ZC3H3: variants seen among roughly 807,000 people sequenced by gnomAD.
ZC3H3 encodes zinc finger CCCH-type containing 3.
Under a neutral mutation model 77.3 loss-of-function variants are expected in ZC3H3, and 36 were observed. The ratio of observed to expected loss-of-function variants is 0.47; its 90% CI spans 0.36 to 0.61. ZC3H3 has a LOEUF of 0.61. Among genes scored for constraint, ZC3H3 ranks in the 20% least tolerant of loss-of-function variants. The pLI, the probability that ZC3H3 is intolerant of heterozygous loss-of-function variation, is 0.00. For synonymous variants in ZC3H3, 626 were observed against 555.2 expected, an observed-to-expected ratio of 1.13 and a Z score of -1.79; for missense variants, 1,331 against 1,312.2, an observed-to-expected ratio of 1.01 and a Z score of -0.22.
intron 4 of ZC3H3, among the ~76,000 whole-genome samples, chr8:143,505,120 G>A (rs947354260): frequency 5.9e-5 from 9 of 152,170 alleles, no homozygotes; most frequent in African/African-American, 9.7e-5. Context: ...TCTGACCACC[G>A]TGGCTTCCAG....
rs143610976 is a variant in ZC3H3, at chr8:143,463,041, T to C, written c.2307+2676A>G. On this transcript the variant is annotated intron_variant, in intron 9 of 11. Coordinates refer to ENST00000262577, the MANE Select transcript of ZC3H3 (RefSeq NM_015117.3). ...TCTTGTCACGTAGGCTGGAGTGCAGTGGCGCAATCTCAGCTCACCACAACC... is the reference window on the plus strand; with the variant it reads ...TCTTGTCACGTAGGCTGGAGTGCAGCGGCGCAATCTCAGCTCACCACAACC... Among the ~76,000 whole-genome samples the C allele has an allele frequency of 3.7e-4, 55 of 149,920 alleles. No individual in the cohort carries two copies. The East Asian group carries it at 0.011, about 29-fold the overall frequency.
chr8:143,449,077 G>A (rs905161146), intron 9 of ZC3H3, among the ~76,000 whole-genome samples: 5 of 152,250 alleles, frequency 3.3e-5, no homozygotes, highest in South Asian at 4.1e-4. Flanking sequence ...GTGCAGGGCA[G>A]TGGGGCTCTG....
intron 4 of ZC3H3, among the ~76,000 whole-genome samples, chr8:143,495,245 A>G (rs1482219948): frequency 6.6e-6 from 1 of 152,254 alleles, no homozygotes; most frequent in Non-Finnish European, 1.5e-5. Context: ...TGCACTGTGA[A>G]GCCAGCAATG....
chr8:143,508,807 C>T (rs1168736709), intron 3 of ZC3H3, among the ~76,000 whole-genome samples: 1 of 152,026 alleles, frequency 6.6e-6, no homozygotes, highest in East Asian at 1.9e-4. Context: ...CAGTCAGTGC[C>T]CAGCTTCCCC....
chr8:143,473,321 G>A (rs364417), intron 5 of ZC3H3, among the ~76,000 whole-genome samples: 13,480 of 152,062 alleles, frequency 0.089, 1,180 homozygotes, highest in African/African-American at 0.23. Flanking sequence ...GTCCCTTCTG[G>A]GCCCTCTCAG....
intron 3 of ZC3H3, among the ~76,000 whole-genome samples, chr8:143,524,239 C>T (rs531307325): frequency 2.4e-4 from 36 of 152,230 alleles, no homozygotes; most frequent in Non-Finnish European, 5.1e-4. Flanking sequence ...TCAGTCCTCC[C>T]CACAACTCCA....
chr8:143,465,467 G>A (rs1820383857), intron 9 of ZC3H3, among the ~76,000 whole-genome samples: 1 of 152,202 alleles, frequency 6.6e-6, no homozygotes, highest in African/African-American at 2.4e-5. Flanking sequence ...GGCTACCAGT[G>A]CTGCACCTGG....
intron 3 of ZC3H3, among the ~76,000 whole-genome samples, chr8:143,519,515 T>A (rs1822172480): frequency 6.6e-6 from 1 of 151,880 alleles, no homozygotes; most frequent in Non-Finnish European, 1.5e-5. Flanking sequence ...GCACCCCACA[T>A]CACAGCCGCA....
At chr8:143,469,570 G>A (rs988645531) in intron 5 of ZC3H3, among the ~76,000 whole-genome samples, 4 of 152,062 alleles carry the variant, frequency 2.6e-5, no homozygotes, top group South Asian at 2.1e-4. Flanking sequence ...TTCTGAAACC[G>A]CACACCACGG....
intron 4 of ZC3H3, among the ~76,000 whole-genome samples, chr8:143,491,383 C>T (rs1821197474): frequency 6.6e-6 from 1 of 152,264 alleles, no homozygotes; most frequent in South Asian, 2.1e-4. Flanking sequence ...GTGGCAGCAG[C>T]ATCTCACCAG....
In ZC3H3 at chr8:143,538,094, T is replaced by C. The variant is rs1822862350; in HGVS notation, c.1273A>G (p.Ser425Gly). Residue 425 changes from serine (S) to glycine (G), a missense_variant, in exon 2 of 12, where the codon AGT becomes GGT. By Grantham distance (56) the Ser-to-Gly change is moderately conservative. Around this residue, in one of 3 missense-constraint regions of ZC3H3, gnomAD observed 978 missense variants for 915.5 expected, o/e 1.07. Transcript: ENST00000262577. The stretch of plus-strand genomic sequence containing the variant: ...TCCCCAGAGAGGGGCTTCAAGCCAC[T>C]GTGTCCTACTGCTGGTCTGTCCCCC... ...PSGDRPAVGH[S>G]GLKPLSGETP... is the part of the protein sequence containing the mutation. 2 of 1,613,168 alleles carry C rather than the reference T, an allele frequency of 1.2e-6. No homozygotes were observed. The highest frequency in any genetic ancestry group is 1.7e-6 in the Non-Finnish European group (2 of 1,180,010).
In ZC3H3 at chr8:143,472,309, G is replaced by C. The variant is rs151055909; in HGVS notation, c.1903+3089C>G. On this transcript the variant is annotated intron_variant, in intron 5 of 11. Transcript: ENST00000262577. The stretch of plus-strand genomic sequence containing the variant: ...GAAGGGCCAACGGAGGCAGAGGCCA[G>C]TCAGCAAGGGTGGCCGGGATAGACT... 2.4e-4 allele frequency among the ~76,000 whole-genome samples: 36 copies of C among 152,388 alleles called. No individual in the cohort carries two copies. In the East Asian group the frequency reaches 6.4e-3, roughly 27 times the overall value.
In ZC3H3 at chr8:143,541,410, C is replaced by T. The variant is rs368173511; in HGVS notation, c.12G>A (p.Lys4=). 34 of 1,611,904 alleles carry T rather than the reference C, an allele frequency of 2.1e-5. No individual in the cohort carries two copies. Among genetic ancestry groups the T allele is most frequent in the Non-Finnish European group, 2.7e-5 (32 of 1,179,466 alleles). The change falls in exon 1 of 12, where the codon AAG becomes AAA. Residue 4 remains lysine, a synonymous_variant. Coordinates refer to ENST00000262577, the MANE Select transcript of ZC3H3 (RefSeq NM_015117.3). ...GGCGGATCTGCCGCCGTAATATCTC[C>T]TTTTCCTCCATCTCCCGAGTCCGCG... The part of the protein sequence containing the change: MEE[K]EILRRQIRLL...
At chr8:143,449,878 C>T (rs577438055) in intron 9 of ZC3H3, among the ~76,000 whole-genome samples, 1 of 151,788 alleles carries the variant, frequency 6.6e-6, no homozygotes, top group African/African-American at 2.4e-5. Context: ...ACAAAAGTAA[C>T]CTTTGCTCCA....
chr8:143,466,057 C>G (rs374028088), intron 8 of ZC3H3, among the ~76,000 whole-genome samples: 1 of 152,330 alleles, frequency 6.6e-6, no homozygotes, highest in African/African-American at 2.4e-5. Flanking sequence ...ACACCCCTGC[C>G]GTGCTCTGTC....
At chr8:143,511,518 G>A (rs773861661) in intron 3 of ZC3H3, among the ~76,000 whole-genome samples, 12 of 152,242 alleles carry the variant, frequency 7.9e-5, no homozygotes, top group South Asian at 2.1e-4. Context: ...CTGCCAAGCA[G>A]GAGAGAAGGC....
At chr8:143,490,911 T>C (rs1586918644) in intron 4 of ZC3H3, among the ~76,000 whole-genome samples, 1 of 100,756 alleles carries the variant, frequency 9.9e-6, no homozygotes, top group Admixed American at 1.1e-4. Context: ...CGTCTCAAAA[T>C]AAATAAACAA....
At chr8:143,478,365 C>G (rs548760567) in intron 4 of ZC3H3, among the ~76,000 whole-genome samples, 19 of 152,174 alleles carry the variant, frequency 1.2e-4, no homozygotes, top group African/African-American at 4.6e-4. Context: ...GGGAAGGGCC[C>G]GTGGGGCAGA....
At chr8:143,479,696 A>G (rs1820854009) in intron 4 of ZC3H3, among the ~76,000 whole-genome samples, 1 of 152,218 alleles carries the variant, frequency 6.6e-6, no homozygotes, top group Non-Finnish European at 1.5e-5. Flanking sequence ...TCAGCCCAAA[A>G]GCAGCCAGCC....
Sources: gnomAD v4.1 joint callset for allele counts (sites outside exome capture counted in the v4.1 genomes callset) on GRCh38, gnomAD v4.1.1 for gene constraint, gnomAD v4.1.1 regional missense constraint, MANE v1.5 for transcripts, NCBI Gene and HGNC (gene_info 2026-07-23, HGNC 2026-07-21) for gene names.